The following ITGB4 variants were observed in gnomAD, a reference collection of about 807,000 sequenced individuals.
The protein encoded by ITGB4 is integrin subunit beta 4, also known as integrin beta-4.
In ITGB4, 159 loss-of-function variants were observed where a neutral mutation model predicts 207.6. That is an observed-to-expected ratio of 0.77 (90% CI 0.67 to 0.87). The LOEUF is 0.87. Ranked by LOEUF, ITGB4 falls within the 40% of genes least tolerant of loss-of-function variation. ITGB4 has a pLI of 0.00. For missense variants in ITGB4, 2,278 were observed against 2,546.8 expected (o/e 0.89, Z 2.27); for synonymous variants, 1,020 against 1,062.7 (o/e 0.96, Z 0.78).
At position 75,740,784 on chromosome 17, in the gene ITGB4, G is replaced by A. The variant is rs1233592447; in HGVS notation, c.2551-9G>A. The A allele has an allele frequency of 5.6e-6, 9 of 1,612,716 alleles. No homozygotes were observed. The highest frequency in any genetic ancestry group is 6.8e-6 in the Non-Finnish European group (8 of 1,179,920). ...AGGCCCAGCCTCACGCCCCTCCCTT[G>A]CCTGGCAGCTGAACGAGGTCTACAG... is the stretch of plus-strand genomic sequence containing the variant. On this transcript the variant is annotated splice_polypyrimidine_tract_variant and intron_variant, in intron 21 of 39. Coordinates refer to ENST00000200181, the MANE Select transcript of ITGB4 (RefSeq NM_000213.5). This position sits in a 1 kb window ranked among gnomAD's most constrained non-coding sequence, Gnocchi z 5.9.
intron 1 of ITGB4, among the ~76,000 whole-genome samples, chr17:75,724,474 C>T (rs770592294): frequency 1.3e-5 from 2 of 152,264 alleles, no homozygotes; most frequent in Admixed American, 6.5e-5. Context: ...TGGAGGGGGC[C>T]TCCCGGGGCA....
intron 26 of ITGB4, 46 bp from the exon 27 acceptor site, chr17:75,748,795 C>G: frequency 1.3e-6 from 2 of 1,485,582 alleles, no homozygotes; most frequent in African/African-American, 2.8e-5. Flanking sequence ...TGACTCTTGC[C>G]TCAGCCCCCA....
rs1416368547 is a variant in ITGB4 at position 75,732,174 on chromosome 17, G to A, written c.1389G>A (p.Val463=). Residue 463 remains valine (V), a synonymous_variant, in exon 12 of 40, where the codon GTG becomes GTA. Transcript: ENST00000200181. This position sits in a 1 kb window ranked among gnomAD's most constrained non-coding sequence, Gnocchi z 5.3. ...DVCTCELQKE[V]RSARCSFNGD... ...CTCTCTCATTCCAGCAAAAAGAGGT[G>A]CGGTCAGCTCGCTGCAGCTTCAACG... 1 of 1,614,140 alleles carries A rather than the reference G, an allele frequency of 6.2e-7. No homozygotes were observed. Among genetic ancestry groups the A allele is most frequent in the East Asian group, 2.2e-5 (1 of 44,882 alleles).
At chr17:75,723,400 G>T (rs1340177791) in intron 1 of ITGB4, among the ~76,000 whole-genome samples, 1 of 152,214 alleles carries the variant, frequency 6.6e-6, no homozygotes, top group Non-Finnish European at 1.5e-5. Context: ...ACCTGCCTGT[G>T]TAATGATGCC....
rs374304884 is a variant in ITGB4, at chr17:75,750,205, C to T, written c.3411C>T (p.Ala1137=). ...CCCCGCAGAACCCCAATGCTAAGGC[C>T]GCTGGGTCCAGGAAGATCCATTTCA... ...LGAPQNPNAK[A]AGSRKIHFNW... The change falls in exon 28 of 40, where the codon GCC becomes GCT. Residue 1137 remains alanine, a synonymous_variant. Coordinates refer to ENST00000200181, the MANE Select transcript of ITGB4 (RefSeq NM_000213.5). This position sits in a 1 kb window ranked among gnomAD's most constrained non-coding sequence, Gnocchi z 5.5. The T allele has an allele frequency of 1.4e-5, 23 of 1,613,704 alleles. No individual in the cohort carries two copies. Among genetic ancestry groups the T allele is most frequent in the African/African-American group, 4.0e-5 (3 of 74,900 alleles).
At position 75,722,757 on chromosome 17, in the gene ITGB4, C is replaced by CTGTGTA. The variant is rs1555729273; in HGVS notation, c.-11+1150_-11+1151insATGTGT. 7.4e-6 allele frequency among the ~76,000 whole-genome samples: 1 copy of CTGTGTA among 135,062 alleles called. No individual in the cohort carries two copies. The highest frequency in any genetic ancestry group is 2.8e-5 in the African/African-American group (1 of 35,798). 88.6% of individuals were successfully genotyped at this position (135,062 alleles called of 152,430 possible). A position where few individuals can be genotyped will look rare whatever the true frequency, so the allele number is the denominator to read the frequency against. On this transcript the variant is annotated intron_variant, in intron 1 of 39. Coordinates refer to ENST00000200181, the MANE Select transcript of ITGB4 (RefSeq NM_000213.5). The surrounding 1 kb of genome is among the most constrained non-coding windows in gnomAD (Gnocchi z 6.2). ...GAGCCTGTGGGTGGGTGGGCATGGCCTGTGTGTGTGTGTGTGTGTGTGTGT... is the reference window on the plus strand; with the variant it reads ...GAGCCTGTGGGTGGGTGGGCATGGCCTGTGTATGTGTGTGTGTGTGTGTGTGTGTGT...
chr17:75,746,340 C>A (rs2143245730), intron 26 of ITGB4: 1 of 152,278 alleles, frequency 6.6e-6, no homozygotes, highest in East Asian at 1.9e-4. Flanking sequence ...TCAAGCGATT[C>A]TCCTGCCTCA....
chr17:75,752,670 C>A, intron 32 of ITGB4, 93 bp downstream of exon 32: 1 of 1,516,226 alleles, frequency 6.6e-7, no homozygotes, highest in Non-Finnish European at 9.1e-7. Context: ...GGGCCAGCAA[C>A]TAGAGGACAT....
In ITGB4 at chr17:75,757,121, C is replaced by T. The variant is rs1225760385; in HGVS notation, c.5218+14C>T. On this transcript the variant is annotated intron_variant, in intron 38 of 39. Coordinates refer to ENST00000200181, the MANE Select transcript of ITGB4 (RefSeq NM_000213.5). ...CCCAGGATGGAGGTAGGCACCTGTC[C>T]TTTCCTTCACCCCCACCCCTCCTCG... 26 of 1,612,824 alleles carry T rather than the reference C, an allele frequency of 1.6e-5. No homozygotes were observed. The highest frequency in any genetic ancestry group is 1.6e-4 in the Middle Eastern group (1 of 6,084).
chr17:75,726,832 G>A (rs1451810109), intron 2 of ITGB4, among the ~76,000 whole-genome samples: 2 of 152,182 alleles, frequency 1.3e-5, no homozygotes, highest in African/African-American at 4.8e-5. Flanking sequence ...CCAGCACTTT[G>A]GAAGGCCAAG....
Position 75,722,761 on chromosome 17 carries a change from G to GTGTA in ITGB4, c.-11+1152_-11+1153insATGT, listed in dbSNP as rs2060640909. 1.4e-5 allele frequency among the ~76,000 whole-genome samples: 2 copies of GTGTA among 147,222 alleles called. No individual in the cohort carries two copies. The highest frequency in any genetic ancestry group is 5.3e-5 in the African/African-American group (2 of 38,056). Reference sequence around the variant, plus strand: ...CTGTGGGTGGGTGGGCATGGCCTGTGTGTGTGTGTGTGTGTGTGTGTGTGT... The same window carrying GTGTA: ...CTGTGGGTGGGTGGGCATGGCCTGTGTGTATGTGTGTGTGTGTGTGTGTGTGTGT... On this transcript the variant is annotated intron_variant, in intron 1 of 39. Coordinates refer to ENST00000200181, the MANE Select transcript of ITGB4 (RefSeq NM_000213.5). This position sits in a 1 kb window ranked among gnomAD's most constrained non-coding sequence, Gnocchi z 6.2.
Position 75,728,424 on chromosome 17 carries a change from A to C in ITGB4, c.517A>C (p.Lys173Gln), listed in dbSNP as rs2060772537. 5 of 1,614,042 alleles carry C rather than the reference A, an allele frequency of 3.1e-6. No individual in the cohort carries two copies. The highest frequency in any genetic ancestry group is 4.2e-6 in the Non-Finnish European group (5 of 1,180,020). The change falls in exon 6 of 40, where the codon AAG (lysine) becomes CAG (glutamine). Residue 173 changes from lysine (K) to glutamine (Q), a missense_variant. Transcript: ENST00000200181. ...CAGCGACTACACTATTGGATTTGGC[A>C]AGTTTGTGGACAAAGTCAGCGTCCC... ...LTSDYTIGFG[K>Q]FVDKVSVPQT...
intron 26 of ITGB4, among the ~76,000 whole-genome samples, chr17:75,748,493 A>G (rs1198498340): frequency 6.6e-6 from 1 of 151,854 alleles, no homozygotes; most frequent in African/African-American, 2.4e-5. Flanking sequence ...AACATAGTGA[A>G]ACCCCATCTC....
At position 75,756,933 on chromosome 17, in the gene ITGB4, C is replaced by T; in HGVS notation, c.5054-10C>T. On this transcript the variant is annotated splice_polypyrimidine_tract_variant and intron_variant, in intron 37 of 39. Coordinates refer to ENST00000200181, the MANE Select transcript of ITGB4 (RefSeq NM_000213.5). ...GGGCCGCAGACGCTGAAGGCATCTT[C>T]CCTGCTCAGGGCCAGCCACCGCATT... 1 of 1,612,434 alleles carries T rather than the reference C, an allele frequency of 6.2e-7. No homozygotes were observed. Among genetic ancestry groups the T allele is most frequent in the South Asian group, 1.1e-5 (1 of 91,074 alleles).
At chr17:75,753,654 C>A in intron 32 of ITGB4, 111 bp from the exon 33 acceptor site, 1 of 686,492 alleles carries the variant, frequency 1.5e-6, no homozygotes, top group Non-Finnish European at 2.0e-6. Flanking sequence ...CCCCGGGATC[C>A]CGGGAGCTGG....
chr17:75,754,053 C>T, intron 33 of ITGB4, 79 bp downstream of exon 33: 1 of 671,346 alleles, frequency 1.5e-6, no homozygotes, highest in African/African-American at 1.9e-5. Flanking sequence ...TGGGCGTCTG[C>T]GCTGCCTCGG....
rs574616694 is a variant in ITGB4, at chr17:75,731,559, G to A, written c.1215+191G>A. ...TTGGTTTCCTCGGCATGCAAGCGTC[G>A]AGCCCGGAGGCTTGCTGGGGCAGTA... On this transcript the variant is annotated intron_variant, in intron 10 of 39. Coordinates refer to ENST00000200181, the MANE Select transcript of ITGB4 (RefSeq NM_000213.5). The surrounding 1 kb of genome is among the most constrained non-coding windows in gnomAD (Gnocchi z 6.8). Among the ~76,000 whole-genome samples the A allele has an allele frequency of 2.8e-4, 43 of 152,250 alleles. No homozygotes were observed. The highest frequency in any genetic ancestry group is 8.2e-4 in the African/African-American group (34 of 41,564).
chr17:75,738,827 T>A (rs2143032844), intron 18 of ITGB4, among the ~76,000 whole-genome samples: 1 of 152,152 alleles, frequency 6.6e-6, no homozygotes, highest in South Asian at 2.1e-4. Context: ...ATCAAATAGG[T>A]TTGAGCTAGG....
intron 34 of ITGB4, 105 bp from the exon 35 acceptor site, chr17:75,755,596 G>C (rs2061478669): frequency 1.4e-6 from 2 of 1,442,208 alleles, no homozygotes; most frequent in Middle Eastern, 1.7e-4. Flanking sequence ...CCAGCGGTCA[G>C]TGTAGACATG....
Sources: allele counts gnomAD v4.1 joint callset (sites outside exome capture counted in the v4.1 genomes callset), GRCh38; gene constraint gnomAD v4.1.1; non-coding constraint Gnocchi (gnomAD v3.1); transcripts MANE v1.5; gene names NCBI Gene and HGNC (gene_info 2026-07-23, HGNC 2026-07-21).